Variants in RUFY1 observed in about 807,000 individuals in gnomAD.
RUFY1 encodes RUN and FYVE domain containing 1, also known as RUN and FYVE domain-containing protein 1.
Under a neutral mutation model 94.6 loss-of-function variants are expected in RUFY1, and 54 were observed. The observed-to-expected ratio is 0.57, with a 90% confidence interval of 0.46 to 0.72. RUFY1 has a LOEUF of 0.72. Ranked by LOEUF, RUFY1 falls within the 30% of genes least tolerant of loss-of-function variation. The probability of loss-of-function intolerance (pLI) is 0.00; values close to 1 mark genes in which losing one functional copy is unlikely to be tolerated. For missense variants in RUFY1, 883 were observed against 883.9 expected (o/e 1.00, Z 0.01); for synonymous variants, 396 against 347.3 (o/e 1.14, Z -1.56).
chr5:179,577,110 T>C lies in RUFY1; in HGVS notation c.864T>C (p.Asp288=). The change falls in exon 6 of 18, where the codon GAT becomes GAC. Residue 288 remains aspartate, a synonymous_variant. Transcript: ENST00000319449. The part of the protein sequence containing the change: ...GVIDFSLYLK[D]VQDLDGGKEH... ...TAGATTTTTCCCTCTACCTTAAGGA[T>C]GTGCAGGATCTTGATGGTGGCAAGG... 2 of 1,602,402 alleles carry C rather than the reference T, an allele frequency of 1.2e-6. No individual in the cohort carries two copies. The highest frequency in any genetic ancestry group is 1.7e-6 in the Non-Finnish European group (2 of 1,171,928).
At chr5:179,580,407 T>C (rs1321647551) in intron 6 of RUFY1, among the ~76,000 whole-genome samples, 1 of 151,348 alleles carries the variant, frequency 6.6e-6, no homozygotes, top group Non-Finnish European at 1.5e-5. Context: ...CACGCCCGGC[T>C]AATTTTTTGT....
intron 3 of RUFY1, among the ~76,000 whole-genome samples, chr5:179,565,007 A>G (rs949738400): frequency 6.6e-6 from 1 of 152,052 alleles, no homozygotes; most frequent in African/African-American, 2.4e-5. Flanking sequence ...AAAAAGAGAG[A>G]GAAAAATAAT....
intron 17 of RUFY1, 88 bp downstream of exon 17, chr5:179,607,747 A>C: frequency 8.5e-7 from 1 of 1,182,970 alleles, no homozygotes; most frequent in Non-Finnish European, 1.2e-6. Context: ...CCCATATCAG[A>C]GCAGGCTCAC....
At chr5:179,607,513 A>C in intron 16 of RUFY1, 69 bp from the exon 17 acceptor site, 1 of 1,325,936 alleles carries the variant, frequency 7.5e-7, no homozygotes, top group South Asian at 1.2e-5. Context: ...GGATGTGGCC[A>C]GAACGCAGCT....
At chr5:179,551,832 T>A (rs1364062768) in intron 1 of RUFY1, among the ~76,000 whole-genome samples, 1 of 119,646 alleles carries the variant, frequency 8.4e-6, no homozygotes, top group Non-Finnish European at 1.8e-5. Flanking sequence ...AATTTCTAAC[T>A]GAATCAATTG....
Position 179,598,683 on chromosome 5 carries a change from G to A in RUFY1, c.1632-9G>A, listed in dbSNP as rs2127565227. ...CTGAGACTAACTCAAGTTCATTTTG[G>A]GAAAACAGCTCAAGCCTGGAGAAAG... On this transcript the variant is annotated splice_polypyrimidine_tract_variant and intron_variant, in intron 13 of 17. Transcript: ENST00000319449. 1 of 1,613,896 alleles carries A rather than the reference G, an allele frequency of 6.2e-7. No individual in the cohort carries two copies. The highest frequency in any genetic ancestry group is 1.7e-4 in the Middle Eastern group (1 of 6,058).
chr5:179,581,732 G>A (rs529324293), intron 7 of RUFY1, among the ~76,000 whole-genome samples: 11 of 150,700 alleles, frequency 7.3e-5, no homozygotes, highest in Non-Finnish European at 1.6e-4. Flanking sequence ...CCAGGCTGAA[G>A]TGTAGTGGCG....
chr5:179,566,810 C>CT (rs1762864942), intron 3 of RUFY1, among the ~76,000 whole-genome samples: 2 of 152,120 alleles, frequency 1.3e-5, no homozygotes, highest in Non-Finnish European at 2.9e-5. Flanking sequence ...AATCCCAGCA[C>CT]TTTGCGAGGC....
At chr5:179,559,782 G>T (rs959117041) in intron 1 of RUFY1, 2 of 1,258,400 alleles carry the variant, frequency 1.6e-6, no homozygotes, top group Non-Finnish European at 2.0e-6. Context: ...TCTGGGAGAG[G>T]CCTCTGGAGC....
chr5:179,571,942 CAGT>C (rs1172342523), intron 5 of RUFY1, among the ~76,000 whole-genome samples: 2 of 152,016 alleles, frequency 1.3e-5, no homozygotes, highest in Admixed American at 6.6e-5. Flanking sequence ...TCTGGTTTCT[CAGT>C]GGTGGTTTGC....
intron 1 of RUFY1, among the ~76,000 whole-genome samples, chr5:179,559,493 G>C (rs571427248): frequency 6.6e-6 from 1 of 152,238 alleles, no homozygotes; most frequent in East Asian, 1.9e-4. Context: ...CAAGAGAGAA[G>C]GCTGGAAAAG....
intron 17 of RUFY1, among the ~76,000 whole-genome samples, chr5:179,608,089 CT>C (rs1767300754): frequency 6.6e-6 from 1 of 152,178 alleles, no homozygotes; most frequent in Non-Finnish European, 1.5e-5. Flanking sequence ...GTGCTTGCCC[CT>C]GCCCTTTAGG....
chr5:179,603,096 C>T (rs545696329), intron 15 of RUFY1, among the ~76,000 whole-genome samples: 4 of 152,162 alleles, frequency 2.6e-5, no homozygotes, highest in South Asian at 2.1e-4. Context: ...AGTGAAGCCC[C>T]GTCTCTACTA....
intron 5 of RUFY1, among the ~76,000 whole-genome samples, chr5:179,571,319 G>A (rs1763208104): frequency 6.6e-6 from 1 of 152,054 alleles, no homozygotes; most frequent in Admixed American, 6.6e-5. Flanking sequence ...AAAATAGTGA[G>A]ACCTTGTCTC....
chr5:179,598,658 C>A (rs763442954), intron 13 of RUFY1, 34 bp from the exon 14 acceptor site: 3 of 1,612,630 alleles, frequency 1.9e-6, no homozygotes, highest in Admixed American at 1.7e-5. Flanking sequence ...AAGTCTCCCA[C>A]TGAGACTAAC....
At chr5:179,551,812 C>T (rs931785721) in intron 1 of RUFY1, among the ~76,000 whole-genome samples, 1 of 147,078 alleles carries the variant, frequency 6.8e-6, no homozygotes, top group Non-Finnish European at 1.5e-5. Flanking sequence ...CGCGCCCGGC[C>T]GGATTCCTCA....
intron 17 of RUFY1, among the ~76,000 whole-genome samples, chr5:179,607,869 T>C (rs896765394): frequency 1.3e-5 from 2 of 152,258 alleles, no homozygotes; most frequent in African/African-American, 4.8e-5. Context: ...TGGCCAGTCA[T>C]AGGCCCCTGG....
chr5:179,595,531 G>A (rs1405502898), intron 12 of RUFY1, among the ~76,000 whole-genome samples: 7 of 150,956 alleles, frequency 4.6e-5, no homozygotes, highest in Non-Finnish European at 1.0e-4. Context: ...GTTTCTTTTT[G>A]GTTTTTTGTT....
At chr5:179,577,917 G>C (rs1763784644) in intron 6 of RUFY1, among the ~76,000 whole-genome samples, 2 of 150,786 alleles carry the variant, frequency 1.3e-5, no homozygotes, top group Admixed American at 1.3e-4. Context: ...TTTGCTTTGA[G>C]ATTTTCTGTT....
Sources: gnomAD v4.1 joint callset for allele counts (sites outside exome capture counted in the v4.1 genomes callset) on GRCh38, gnomAD v4.1.1 for gene constraint, MANE v1.5 for transcripts, NCBI Gene and HGNC (gene_info 2026-07-23, HGNC 2026-07-21) for gene names.